Variants in PRR12 observed in about 807,000 individuals in gnomAD.
The protein encoded by PRR12 is proline-rich protein 12.
PRR12 carries 12 observed loss-of-function variants against 138.0 expected under a neutral mutation model. That is an observed-to-expected ratio of 0.09 (90% confidence interval 0.06 to 0.14). The LOEUF is 0.14. Among genes scored for constraint, PRR12 ranks in the 10% least tolerant of loss-of-function variants. PRR12 has a pLI of 1.00. For missense variants in PRR12, 2,692 were observed against 2,861.3 expected, an observed-to-expected ratio of 0.94 and a Z score of 1.35; for synonymous variants, 1,567 against 1,291.7, an observed-to-expected ratio of 1.21 and a Z score of -4.57.
chr19:49,591,899 C>A (rs2080730554), intron 1 of PRR12, among the ~76,000 whole-genome samples, 159 bp downstream of exon 1: 1 of 152,036 alleles, frequency 6.6e-6, no homozygotes, highest in African/African-American at 2.4e-5. Flanking sequence ...ACGCCGCCGC[C>A]CCAGTTTGCA....
In PRR12 at chr19:49,595,935, AGTACC is replaced by A; in HGVS notation, c.1602_1606del (p.Ser534ArgfsTer23). The A allele has an allele frequency of 6.2e-7, 1 of 1,601,526 alleles. No homozygotes were observed. Among genetic ancestry groups the A allele is most frequent in the Non-Finnish European group, 8.5e-7 (1 of 1,179,656 alleles). ...CACAGCCAGCCCCTCGCTCAGCTAC[AGTACC>A]GGCCATTCCCCAGCGCTCTCGGGCC... On this transcript the variant is annotated frameshift_variant, in exon 4 of 14. Transcript: ENST00000418929. LOFTEE classifies it high-confidence loss of function.
intron 1 of PRR12, among the ~76,000 whole-genome samples, chr19:49,592,487 C>T (rs1408432520): frequency 6.6e-6 from 1 of 152,082 alleles, no homozygotes. Context: ...TGGCTGGCAG[C>T]GTGTTCACCT....
chr19:49,621,864 CTGT>C (rs1322027917), intron 11 of PRR12: 1 of 535,936 alleles, frequency 1.9e-6, no homozygotes, highest in African/African-American at 1.9e-5. Context: ...AAAGGCTGGG[CTGT>C]TGTTTCGGAG....
In PRR12 at chr19:49,596,894, C is replaced by T. The variant is rs745765156; in HGVS notation, c.2559C>T (p.His853=). The part of the protein sequence containing the change: ...PPPMPLQLEA[H]LRSHGLEPAA... ...CCATGCCCCTGCAGCTCGAGGCCCACCTCCGCAGCCATGGCCTGGAGCCCG... is the reference window on the plus strand; with the variant it reads ...CCATGCCCCTGCAGCTCGAGGCCCATCTCCGCAGCCATGGCCTGGAGCCCG... Residue 853 remains histidine, a synonymous_variant, in exon 4 of 14, where the codon CAC becomes CAT. Coordinates refer to ENST00000418929, the MANE Select transcript of PRR12 (RefSeq NM_020719.3). The surrounding 1 kb of genome is among the most constrained non-coding windows in gnomAD (Gnocchi z 5.6). 4 of 1,558,030 alleles carry T rather than the reference C, an allele frequency of 2.6e-6. No individual in the cohort carries two copies. In the South Asian group the frequency reaches 3.5e-5, roughly 14 times the overall value.
At chr19:49,615,140 GGGGACAGAGACCCGGAGAGAAATA>G (rs2080884896) in intron 8 of PRR12, 131 bp downstream of exon 8, 54 of 1,342,214 alleles carry the variant, frequency 4.0e-5, no homozygotes, top group Non-Finnish European at 5.2e-5. Context: ...AGAGAGAGAG[GGGGACAGAGACCCGGAGAGAAATA>G]GGGACAGAGA....
rs770405518 is a variant in PRR12 at position 49,615,778 on chromosome 19, G to T, written c.5056G>T (p.Ala1686Ser). 9 of 1,613,042 alleles carry T rather than the reference G, an allele frequency of 5.6e-6. No homozygotes were observed. Among genetic ancestry groups the T allele is most frequent in the Non-Finnish European group, 7.6e-6 (9 of 1,179,522 alleles). Residue 1686 changes from alanine (A) to serine (S), a missense_variant, in exon 9 of 14, where the codon GCT becomes TCT. Around this residue, in one of 11 missense-constraint regions of PRR12, gnomAD observed 259 missense variants for 265.1 expected, o/e 0.98. Coordinates refer to ENST00000418929, the MANE Select transcript of PRR12 (RefSeq NM_020719.3). ...RSGQAKNPVS[A>S]GGSSAPPPKA... Reference sequence around the variant, plus strand: ...TGGGCAGGCCAAGAACCCCGTATCTGCTGGGGGTAGCTCTGCACCTCCCCC... The same window carrying T: ...TGGGCAGGCCAAGAACCCCGTATCTTCTGGGGGTAGCTCTGCACCTCCCCC...
At position 49,594,969 on chromosome 19, in the gene PRR12, G is replaced by A. The variant is rs761475295; in HGVS notation, c.634G>A (p.Gly212Ser). 128 of 1,598,606 alleles carry A rather than the reference G, an allele frequency of 8.0e-5. No individual in the cohort carries two copies. The highest frequency in any genetic ancestry group is 4.0e-4 in the South Asian group (36 of 89,232). The stretch of plus-strand genomic sequence containing the variant: ...GGGCTTCGAGCGCCTGGCAGGGGGC[G>A]GTGTCTTGGGGCCAGCTGGTCTCGG... Reference protein sequence around the residue: ...SLGFERLAGGGVLGPAGLGPA... With the variant: ...SLGFERLAGGSVLGPAGLGPA... Residue 212 changes from glycine to serine, a missense_variant, in exon 4 of 14, where the codon GGT (glycine) becomes AGT (serine). Gly to Ser is a moderately conservative substitution (Grantham distance 56). Coordinates refer to ENST00000418929, the MANE Select transcript of PRR12 (RefSeq NM_020719.3). This position sits in a 1 kb window ranked among gnomAD's most constrained non-coding sequence, Gnocchi z 5.6.
chr19:49,617,072 G>A lies in PRR12; in HGVS notation c.5497+853G>A, dbSNP rs548339507. ...CTTGAACCCGGGAGGCAGAGGTTAC[G>A]GTGAGCTGAGATCAGGCCACTGCAC... On this transcript the variant is annotated intron_variant, in intron 9 of 13. Transcript: ENST00000418929. Among the ~76,000 whole-genome samples, 37 of 151,576 alleles carry A rather than the reference G, an allele frequency of 2.4e-4. 1 individual carries two copies. The South Asian group carries it at 7.1e-3, about 29-fold the overall frequency.
chr19:49,601,846 G>A lies in PRR12; in HGVS notation c.4701G>A (p.Glu1567=), dbSNP rs1298886354. The A allele has an allele frequency of 6.2e-7, 1 of 1,612,752 alleles. No homozygotes were observed. The highest frequency in any genetic ancestry group is 8.5e-7 in the Non-Finnish European group (1 of 1,179,860). Residue 1567 remains glutamate, a synonymous_variant, in exon 6 of 14, where the codon GAG becomes GAA. Transcript: ENST00000418929. ...GGGAGACGGACGAGGAGGCCGGCGAGAGTGGCGGAGAGGGCATCTTCCGGG... is the reference window on the plus strand; with the variant it reads ...GGGAGACGGACGAGGAGGCCGGCGAAAGTGGCGGAGAGGGCATCTTCCGGG... ...VCGETDEEAG[E]SGGEGIFRER...
At chr19:49,608,837 G>A (rs2080851207) in intron 6 of PRR12, among the ~76,000 whole-genome samples, 1 of 149,658 alleles carries the variant, frequency 6.7e-6, no homozygotes, top group South Asian at 2.1e-4. Flanking sequence ...ATGTGACCCT[G>A]TCTCAAAAAA....
intron 1 of PRR12, among the ~76,000 whole-genome samples, chr19:49,592,728 C>G (rs973585077): frequency 6.6e-5 from 10 of 152,116 alleles, no homozygotes; most frequent in Admixed American, 3.3e-4. Flanking sequence ...TGAACCTCAA[C>G]CCCCGGGGAT....
chr19:49,623,762 G>GGA (rs2080938162), intron 11 of PRR12, among the ~76,000 whole-genome samples: 1 of 150,554 alleles, frequency 6.6e-6, no homozygotes, highest in Non-Finnish European at 1.5e-5. Flanking sequence ...GAATTCTGGG[G>GGA]TAGGTGGTTA....
Position 49,614,680 on chromosome 19 carries a change from G to C in PRR12, c.4890+31G>C. On this transcript the variant is annotated intron_variant, in intron 7 of 13. Coordinates refer to ENST00000418929, the MANE Select transcript of PRR12 (RefSeq NM_020719.3). This position sits in a 1 kb window ranked among gnomAD's most constrained non-coding sequence, Gnocchi z 5.0. The stretch of plus-strand genomic sequence containing the variant: ...CCTGCAAAGGGGACCAAGGACTTGG[G>C]GGCCCCGGGGCGTGGTATCTAGGAG... 1 of 1,535,788 alleles carries C rather than the reference G, an allele frequency of 6.5e-7. No homozygotes were observed. The highest frequency in any genetic ancestry group is 8.8e-7 in the Non-Finnish European group (1 of 1,134,466).
Position 49,596,335 on chromosome 19 carries a change from C to A in PRR12, c.2000C>A (p.Ala667Glu), listed in dbSNP as rs747865763. Residue 667 changes from alanine (A) to glutamate (E), a missense_variant, in exon 4 of 14, where the codon GCA (alanine) becomes GAA (glutamate). Around this residue, in one of 11 missense-constraint regions of PRR12, gnomAD observed 840 missense variants for 689.8 expected, o/e 1.22. Transcript: ENST00000418929. This position sits in a 1 kb window ranked among gnomAD's most constrained non-coding sequence, Gnocchi z 5.6. ...GACGGCTTGGTGGGCGAGGACGGGG[C>A]AGCAGATGCCTCTAAGGGACTTGGG... Reference protein sequence around the residue: ...GADGLVGEDGAADASKGLGGS... With the variant: ...GADGLVGEDGEADASKGLGGS... 6.2e-7 allele frequency: 1 copy of A among 1,609,948 alleles called. No homozygotes were observed. The highest frequency in any genetic ancestry group is 8.5e-7 in the Non-Finnish European group (1 of 1,179,486).
chr19:49,607,361 G>GCACACACACACACACA (rs72175242), intron 6 of PRR12, among the ~76,000 whole-genome samples: 1 of 147,760 alleles, frequency 6.8e-6, no homozygotes, highest in Non-Finnish European at 1.5e-5. Flanking sequence ...ATGTACGTGT[G>GCACACACACACACACA]CACACACACA....
intron 6 of PRR12, among the ~76,000 whole-genome samples, chr19:49,611,606 C>T (rs534668276): frequency 6.7e-6 from 1 of 149,428 alleles, no homozygotes; most frequent in Non-Finnish European, 1.5e-5. Context: ...TCACTGTACT[C>T]CACCCTAGGC....
chr19:49,596,856 C>G lies in PRR12; in HGVS notation c.2521C>G (p.Pro841Ala). The change falls in exon 4 of 14, where the codon CCG (proline) becomes GCG (alanine). Residue 841 changes from proline to alanine, a missense_variant. Around this residue, in one of 11 missense-constraint regions of PRR12, gnomAD observed 840 missense variants for 689.8 expected, o/e 1.22. Transcript: ENST00000418929. This position sits in a 1 kb window ranked among gnomAD's most constrained non-coding sequence, Gnocchi z 5.6. ...GAPQPPPPPP[P>A]PPPPMPLQLE... ...ACCCCAGCCACCTCCACCGCCACCC[C>G]CGCCTCCACCACCCATGCCCCTGCA... 6.3e-7 allele frequency: 1 copy of G among 1,576,274 alleles called. No homozygotes were observed. Among genetic ancestry groups the G allele is most frequent in the Non-Finnish European group, 8.6e-7 (1 of 1,168,208 alleles).
Position 49,595,528 on chromosome 19 carries a change from C to T in PRR12, c.1193C>T (p.Ala398Val), listed in dbSNP as rs1289737137. ...AAGACGGGCAAAGGTGGTTATGGAG[C>T]AGCTGCCGGGGGTGCCACCAGGCCC... ...GYKTGKGGYG[A>V]AAGGATRPPP... is the part of the protein sequence containing the mutation. The change falls in exon 4 of 14, where the codon GCA becomes GTA. Residue 398 changes from alanine (A) to valine (V), a missense_variant. Physicochemically the swap from Ala to Val is moderately conservative, Grantham distance 64. Coordinates refer to ENST00000418929, the MANE Select transcript of PRR12 (RefSeq NM_020719.3). 5 of 1,573,590 alleles carry T rather than the reference C, an allele frequency of 3.2e-6. No individual in the cohort carries two copies. The highest frequency in any genetic ancestry group is 1.2e-5 in the South Asian group (1 of 86,000).
At chr19:49,621,935 T>C (rs550586353) in intron 11 of PRR12, among the ~76,000 whole-genome samples, 1 of 152,312 alleles carries the variant, frequency 6.6e-6, no homozygotes, top group African/African-American at 2.4e-5. Flanking sequence ...ACTGGACCGA[T>C]GGCTTCTTTG....
Sources: allele counts gnomAD v4.1 joint callset (sites outside exome capture counted in the v4.1 genomes callset), GRCh38; gene constraint gnomAD v4.1.1; regional missense constraint gnomAD v4.1.1; non-coding constraint Gnocchi (gnomAD v3.1); transcripts MANE v1.5; gene names NCBI Gene and HGNC (gene_info 2026-07-23, HGNC 2026-07-21).